PCDHA2: variants seen among roughly 807,000 people sequenced by gnomAD.
PCDHA2 encodes protocadherin alpha 2.
Under a neutral mutation model 66.0 loss-of-function variants are expected in PCDHA2, and 58 were observed. The ratio of observed to expected loss-of-function variants is 0.88; its 90% confidence interval spans 0.71 to 1.09. PCDHA2 has a LOEUF of 1.09. Ranked by LOEUF, PCDHA2 falls within the 50% of genes least tolerant of loss-of-function variation. The pLI is 0.00. For synonymous variants in PCDHA2, 634 were observed against 554.0 expected, an observed-to-expected ratio of 1.14 and a Z score of -2.03; for missense variants, 1,267 against 1,242.3, an observed-to-expected ratio of 1.02 and a Z score of -0.30.
chr5:140,972,130 TTAC>T (rs1424151392), intron 1 of PCDHA2, among the ~76,000 whole-genome samples: 1 of 152,022 alleles, frequency 6.6e-6, no homozygotes, highest in Non-Finnish European at 1.5e-5. Flanking sequence ...TATCAGTGAG[TTAC>T]TACTATTTTT....
chr5:140,898,156 G>C (rs1176390379), intron 1 of PCDHA2, among the ~76,000 whole-genome samples: 2 of 152,114 alleles, frequency 1.3e-5, no homozygotes, highest in African/African-American at 4.8e-5. Context: ...TCACGCTGAT[G>C]GTGGTTTCTT....
intron 1 of PCDHA2, chr5:140,856,389 A>G (rs1554148624): frequency 6.3e-7 from 1 of 1,598,440 alleles, no homozygotes; most frequent in African/African-American, 1.3e-5. Context: ...AGGCCGCTGC[A>G]GGTTTTCCAT....
chr5:140,929,164 GC>G (rs781931769), intron 1 of PCDHA2: 2 of 1,614,150 alleles, frequency 1.2e-6, no homozygotes, highest in Non-Finnish European at 1.7e-6. Context: ...TCTCTATCGG[GC>G]CTCTCTGGGA....
At chr5:140,910,856 C>T (rs548609862) in intron 1 of PCDHA2, among the ~76,000 whole-genome samples, 15 of 152,300 alleles carry the variant, frequency 9.8e-5, no homozygotes, top group Non-Finnish European at 2.2e-4. Flanking sequence ...ATCTATGTTC[C>T]ATCCACCATT....
At chr5:140,965,827 A>G (rs2095939185) in intron 1 of PCDHA2, among the ~76,000 whole-genome samples, 1 of 152,172 alleles carries the variant, frequency 6.6e-6, no homozygotes, top group Non-Finnish European at 1.5e-5. Context: ...TAAACATTTA[A>G]ATATTGGTTA....
intron 1 of PCDHA2, among the ~76,000 whole-genome samples, chr5:140,938,751 C>A (rs943916265): frequency 6.6e-6 from 1 of 151,978 alleles, no homozygotes; most frequent in Non-Finnish European, 1.5e-5. Flanking sequence ...TTTTTAAAGG[C>A]ATAGTTATTG....
intron 1 of PCDHA2, chr5:140,807,660 C>T (rs1307238729): frequency 1.1e-5 from 17 of 1,614,106 alleles, no homozygotes; most frequent in Non-Finnish European, 1.4e-5. Flanking sequence ...GAGGGCGCCT[C>T]GGATGCAGAT....
At chr5:140,858,251 C>A in intron 1 of PCDHA2, 1 of 1,596,688 alleles carries the variant, frequency 6.3e-7, no homozygotes, top group East Asian at 2.2e-5. Context: ...GCCGGTGAAG[C>A]CCACGCTGGT....
rs73266040 is a variant in PCDHA2 at position 140,926,675 on chromosome 5, C to G, written c.2389-52274C>G. 1.5e-3 allele frequency: 923 copies of G among 601,544 alleles called. 7 individuals carry two copies. The African/African-American group carries it at 0.016, about 11-fold the overall frequency. The allele number at this position is 601,544 out of a possible 1,614,324, so 37.3% of individuals were successfully genotyped here. ...TCCGCTTTCCCAGACGGCTGCCCAG[C>G]CTCCAGCCTAGCAAGCCCGGCTCCC... On this transcript the variant is annotated intron_variant, in intron 1 of 3. Coordinates refer to ENST00000526136, the MANE Select transcript of PCDHA2 (RefSeq NM_018905.3).
At chr5:140,982,417 GA>G (rs1554244117) in intron 2 of PCDHA2, 57 bp from the exon 3 acceptor site, 1 of 1,610,428 alleles carries the variant, frequency 6.2e-7, no homozygotes, top group African/African-American at 1.3e-5. Flanking sequence ...GAGGGTGGAA[GA>G]AGAGATGGGA....
At chr5:140,870,438 C>A in intron 1 of PCDHA2, 1 of 1,614,178 alleles carries the variant, frequency 6.2e-7, no homozygotes, top group Non-Finnish European at 8.5e-7. Context: ...TGGAGGTGGC[C>A]GACGTGAACG....
At chr5:140,872,400 G>A (rs1582078480) in intron 1 of PCDHA2, among the ~76,000 whole-genome samples, 1 of 152,124 alleles carries the variant, frequency 6.6e-6, no homozygotes, top group Admixed American at 6.5e-5. Context: ...GCTGAGGCAG[G>A]AGAATTGCTT....
intron 1 of PCDHA2, chr5:140,857,623 G>T (rs1554150390): frequency 2.5e-6 from 4 of 1,596,656 alleles, no homozygotes; most frequent in Non-Finnish European, 8.6e-7. Flanking sequence ...TGGACCACGA[G>T]GAGCTGGAGC....
At chr5:140,890,533 T>C (rs2062686259) in intron 1 of PCDHA2, among the ~76,000 whole-genome samples, 1 of 152,234 alleles carries the variant, frequency 6.6e-6, no homozygotes, top group South Asian at 2.1e-4. Context: ...TTGATCTTCT[T>C]TTGAAATGAC....
Position 140,797,334 on chromosome 5 carries a change from AT to A in PCDHA2, c.2371del (p.Ser791GlnfsTer4). The A allele has an allele frequency of 6.2e-7, 1 of 1,614,150 alleles. No individual in the cohort carries two copies. The highest frequency in any genetic ancestry group is 8.5e-7 in the Non-Finnish European group (1 of 1,180,002). On this transcript the variant is annotated frameshift_variant, in exon 1 of 4. Coordinates refer to ENST00000526136, the MANE Select transcript of PCDHA2 (RefSeq NM_018905.3). LOFTEE classifies it high-confidence loss of function. Reference protein sequence around the residue: ...DSAEEKQLSESEYVGKPRQPN... With the variant: ...DSAEEKQLSEXEYVGKPRQPN... ...CCGCAGAAGAGAAACAGCTCTCAGA[AT>A]CAGAATACGTAGGAAAGGTGAGTCT... is the stretch of plus-strand genomic sequence containing the variant.
chr5:140,805,079 A>C (rs1163848417), intron 1 of PCDHA2: 9 of 1,593,694 alleles, frequency 5.6e-6, no homozygotes, highest in Middle Eastern at 1.6e-4. Flanking sequence ...TTCAATCTTC[A>C]AATCCAGCTT....
At chr5:140,901,161 G>A (rs1554189608) in intron 1 of PCDHA2, among the ~76,000 whole-genome samples, 1 of 152,084 alleles carries the variant, frequency 6.6e-6, no homozygotes, top group African/African-American at 2.4e-5. Flanking sequence ...TCTGTGGGTT[G>A]TCTCTTCACT....
At chr5:140,858,825 A>G in intron 1 of PCDHA2, 1 of 333,686 alleles carries the variant, frequency 3.0e-6, no homozygotes, top group Non-Finnish European at 5.6e-6. Flanking sequence ...TTGTATTTGC[A>G]TTACCAAAAA....
chr5:140,806,027 A>G lies in PCDHA2; in HGVS notation c.2388+8675A>G, dbSNP rs117573879. Among the ~76,000 whole-genome samples the G allele has an allele frequency of 4.3e-4, 65 of 152,342 alleles. 2 individuals carry two copies. The East Asian group carries it at 0.011, about 26-fold the overall frequency. ...ACATACTCAAATGCTTATAAGAGAT[A>G]AATTAATGTAATAAATGGCCCACGC... On this transcript the variant is annotated intron_variant, in intron 1 of 3. Coordinates refer to ENST00000526136, the MANE Select transcript of PCDHA2 (RefSeq NM_018905.3).
Sources: gnomAD v4.1 joint callset for allele counts (sites outside exome capture counted in the v4.1 genomes callset) on GRCh38, gnomAD v4.1.1 for gene constraint, MANE v1.5 for transcripts, NCBI Gene and HGNC (gene_info 2026-07-23, HGNC 2026-07-21) for gene names.